The following PTPRN2 variants were observed in gnomAD, a reference collection of about 807,000 sequenced individuals.
PTPRN2 encodes receptor-type tyrosine-protein phosphatase N2.
PTPRN2 carries 74 observed loss-of-function variants against 118.8 expected under a neutral mutation model. The observed-to-expected ratio is 0.62, with a 90% CI of 0.52 to 0.76. The LOEUF (loss-of-function observed/expected upper bound fraction) is 0.76, where lower values mean the gene tolerates loss of function less well. Among genes scored for constraint, PTPRN2 ranks in the 30% least tolerant of loss-of-function variants. The pLI, the probability that PTPRN2 is intolerant of heterozygous loss-of-function variation, is 0.00. For synonymous variants in PTPRN2, 641 were observed against 608.0 expected (o/e 1.05, Z -0.80); for missense variants, 1,481 against 1,394.4 (o/e 1.06, Z -0.99).
At chr7:158,307,779 G>T (rs1207880052) in intron 3 of PTPRN2, among the ~76,000 whole-genome samples, 2 of 152,206 alleles carry the variant, frequency 1.3e-5, no homozygotes, top group Non-Finnish European at 2.9e-5. Flanking sequence ...GGAGTATCAG[G>T]AGGGAGGAGG....
intron 5 of PTPRN2, among the ~76,000 whole-genome samples, chr7:158,182,466 C>T (rs971761455): frequency 2.6e-5 from 4 of 152,092 alleles, no homozygotes; most frequent in Non-Finnish European, 5.9e-5. Context: ...TCTAATTTCC[C>T]TCCACTCTCC....
chr7:157,772,236 TACAC>T (rs1193281828), intron 12 of PTPRN2, among the ~76,000 whole-genome samples: 3 of 118,702 alleles, frequency 2.5e-5, no homozygotes, highest in Non-Finnish European at 1.8e-5. Context: ...CACACACACA[TACAC>T]ACAGACACAG....
intron 2 of PTPRN2, among the ~76,000 whole-genome samples, chr7:158,370,250 C>T (rs1029248114): frequency 1.3e-5 from 2 of 151,566 alleles, no homozygotes; most frequent in Non-Finnish European, 2.9e-5. Context: ...GCAGCCTGGC[C>T]GACACGGCAA....
intron 2 of PTPRN2, among the ~76,000 whole-genome samples, chr7:158,387,592 G>T (rs1294173838): frequency 1.1e-3 from 1 of 912 alleles, no homozygotes; most frequent in Admixed American, 0.011. Flanking sequence ...GGCCCGGCCA[G>T]GCCCGGGGAT....
In PTPRN2 at chr7:158,315,975, G is replaced by A. The variant is rs532507772; in HGVS notation, c.277+844C>T. Among the ~76,000 whole-genome samples, 8 of 152,274 alleles carry A rather than the reference G, an allele frequency of 5.3e-5. No homozygotes were observed. The South Asian group carries it at 1.7e-3, about 32-fold the overall frequency. On this transcript the variant is annotated intron_variant, in intron 3 of 22. Coordinates refer to ENST00000389418, the MANE Select transcript of PTPRN2 (RefSeq NM_002847.5). ...AGGTGGTCGCGGTGGCAGAGTTGGA[G>A]GTGATGCCTGGGCTCCCACTCAACA... is the stretch of plus-strand genomic sequence containing the variant.
chr7:158,317,742 T>C (rs10949714), intron 2 of PTPRN2, among the ~76,000 whole-genome samples: 88,622 of 151,960 alleles, frequency 0.58, 26,132 homozygotes, highest in Non-Finnish European at 0.62. Flanking sequence ...AATGGTCTCT[T>C]TTATTGTTCA....
intron 2 of PTPRN2, among the ~76,000 whole-genome samples, chr7:158,414,838 G>A (rs1814517966): frequency 1.3e-5 from 2 of 152,234 alleles, no homozygotes; most frequent in African/African-American, 4.8e-5. Flanking sequence ...CCAACTGAAT[G>A]AGCCAGCGTG....
chr7:158,580,850 A>T (rs1828591300), intron 1 of PTPRN2, among the ~76,000 whole-genome samples: 1 of 152,146 alleles, frequency 6.6e-6, no homozygotes, highest in African/African-American at 2.4e-5. Context: ...TGGCATTTTC[A>T]TTCCCTGCCA....
intron 12 of PTPRN2, among the ~76,000 whole-genome samples, chr7:157,851,016 C>T (rs944858855): frequency 3.3e-5 from 5 of 152,160 alleles, no homozygotes; most frequent in Admixed American, 6.5e-5. Flanking sequence ...GGCGGGCTGT[C>T]GAACAAAAGG....
chr7:157,962,343 G>A (rs141523682), intron 11 of PTPRN2, among the ~76,000 whole-genome samples: 112 of 147,474 alleles, frequency 7.6e-4, no homozygotes, highest in South Asian at 2.0e-3. Flanking sequence ...CAGCGGGAGC[G>A]TTATTCCCCC....
At chr7:158,045,984 G>A (rs909215770) in intron 11 of PTPRN2, among the ~76,000 whole-genome samples, 3 of 150,656 alleles carry the variant, frequency 2.0e-5, no homozygotes, top group Admixed American at 6.6e-5. Context: ...TTCTGTCCAG[G>A]AGCAGAACCT....
intron 11 of PTPRN2, among the ~76,000 whole-genome samples, chr7:158,047,237 G>A (rs923429990): frequency 3.3e-5 from 5 of 152,240 alleles, no homozygotes; most frequent in African/African-American, 1.2e-4. Context: ...CACAGTCACC[G>A]AAGTCCAAAA....
At position 158,555,246 on chromosome 7, in the gene PTPRN2, G is replaced by T. The variant is rs1025850950; in HGVS notation, c.112+32312C>A. Among the ~76,000 whole-genome samples, 2 of 152,202 alleles carry T rather than the reference G, an allele frequency of 1.3e-5. No homozygotes were observed. The highest frequency in any genetic ancestry group is 2.9e-5 in the Non-Finnish European group (2 of 68,050). On this transcript the variant is annotated intron_variant, in intron 1 of 22. Transcript: ENST00000389418. This position sits in a 1 kb window ranked among gnomAD's most constrained non-coding sequence, Gnocchi z 4.7. ...GTTTTCCATCTTCAGCAGCTCTTAC[G>T]ACTGCAAGATCCCACAGCTGCCTTT...
chr7:158,019,734 G>T (rs966621156), intron 11 of PTPRN2, among the ~76,000 whole-genome samples: 3 of 152,042 alleles, frequency 2.0e-5, no homozygotes, highest in African/African-American at 7.3e-5. Context: ...CCTGGTCTCA[G>T]GGACCCCACA....
chr7:157,833,048 C>T (rs371524677), intron 12 of PTPRN2, among the ~76,000 whole-genome samples: 84 of 151,026 alleles, frequency 5.6e-4, no homozygotes, highest in African/African-American at 1.9e-3. Flanking sequence ...ATGGTAAACT[C>T]GTCCAGGAAG....
Position 157,656,365 on chromosome 7 carries a change from T to C in PTPRN2, c.2188A>G (p.Met730Val), listed in dbSNP as rs1806087669. ...QSNMDISTGH[M>V]ILSYMEDHLK... The stretch of plus-strand genomic sequence containing the variant: ...GCAAAGACTGGGCTTACCAGGATCA[T>C]GTGGCCGGTGGAGATGTCCATGTTG... The change falls in exon 14 of 23, where the codon ATG becomes GTG. Residue 730 changes from methionine (M) to valine (V), a missense_variant. Around this residue, in one of 3 missense-constraint regions of PTPRN2, gnomAD observed 4 missense variants for 16.1 expected, o/e 0.25. Coordinates refer to ENST00000389418, the MANE Select transcript of PTPRN2 (RefSeq NM_002847.5). The C allele has an allele frequency of 3.9e-6, 6 of 1,549,350 alleles. No individual in the cohort carries two copies. Among genetic ancestry groups the C allele is most frequent in the Middle Eastern group, 1.7e-4 (1 of 5,984 alleles).
chr7:157,559,813 C>G (rs950415847), intron 21 of PTPRN2, among the ~76,000 whole-genome samples: 1 of 152,150 alleles, frequency 6.6e-6, no homozygotes, highest in African/African-American at 2.4e-5. Context: ...ACAGCTGCCC[C>G]GACAGGGCTG....
intron 10 of PTPRN2, among the ~76,000 whole-genome samples, chr7:158,103,184 C>T (rs777524265): frequency 5.3e-5 from 8 of 152,318 alleles, no homozygotes; most frequent in South Asian, 2.1e-4. Context: ...CCTCCCTGTG[C>T]GCATGGCCTG....
chr7:158,204,975 G>C (rs1202260344), intron 4 of PTPRN2, among the ~76,000 whole-genome samples, 196 bp downstream of exon 4: 1 of 152,156 alleles, frequency 6.6e-6, no homozygotes, highest in Non-Finnish European at 1.5e-5. Context: ...TCTCTTACTG[G>C]AGGGTCACCC....
Sources: allele counts gnomAD v4.1 joint callset (sites outside exome capture counted in the v4.1 genomes callset), GRCh38; gene constraint gnomAD v4.1.1; regional missense constraint gnomAD v4.1.1; non-coding constraint Gnocchi (gnomAD v3.1); transcripts MANE v1.5; gene names NCBI Gene and HGNC (gene_info 2026-07-23, HGNC 2026-07-21).